The following TTLL5 variants were observed in gnomAD, a reference collection of about 807,000 sequenced individuals.
The protein encoded by TTLL5 is tubulin tyrosine ligase like 5, also known as tubulin polyglutamylase TTLL5.
A neutral mutation model predicts 168.4 loss-of-function variants in TTLL5; 132 were observed. The observed-to-expected ratio is 0.78, with a 90% CI of 0.68 to 0.91. The LOEUF is 0.91. TTLL5 is among the 40% of genes least tolerant of loss of function. The pLI is 0.00. For synonymous variants in TTLL5, 546 were observed against 558.6 expected (o/e 0.98, Z 0.32); for missense variants, 1,545 against 1,581.5 (o/e 0.98, Z 0.39).
intron 30 of TTLL5, among the ~76,000 whole-genome samples, chr14:75,901,513 C>G (rs914791469): frequency 6.6e-6 from 1 of 152,146 alleles, no homozygotes; most frequent in Non-Finnish European, 1.5e-5. Context: ...CTCAGTCTTG[C>G]GATTATTGAC....
chr14:75,790,987 T>TC (rs1433942056), intron 26 of TTLL5, among the ~76,000 whole-genome samples: 5 of 148,462 alleles, frequency 3.4e-5, no homozygotes, highest in Admixed American at 1.3e-4. Flanking sequence ...GTGCCTGTAG[T>TC]CCCAGCTACT....
At position 75,664,482 on chromosome 14, in the gene TTLL5, A is replaced by G. The variant is rs145778365; in HGVS notation, c.74+1259A>G. ...GGGTCTGGTTAGACTCAAATAGCAT[A>G]ATGTATGTGAAATTACTTTGTAAGT... On this transcript the variant is annotated intron_variant, in intron 2 of 31. Transcript: ENST00000298832. Among the ~76,000 whole-genome samples, 621 of 152,352 alleles carry G rather than the reference A, an allele frequency of 4.1e-3. 5 individuals are homozygous for G. The highest frequency in any genetic ancestry group is 3.8e-3 in the Non-Finnish European group (256 of 68,030).
intron 30 of TTLL5, among the ~76,000 whole-genome samples, chr14:75,896,395 T>C (rs2032664388): frequency 6.6e-6 from 1 of 152,054 alleles, no homozygotes; most frequent in Non-Finnish European, 1.5e-5. Flanking sequence ...GGTTTGGGGG[T>C]GTTTGTTTTC....
chr14:75,900,027 G>A (rs1370349418), intron 30 of TTLL5, among the ~76,000 whole-genome samples: 1 of 150,852 alleles, frequency 6.6e-6, no homozygotes, highest in Non-Finnish European at 1.5e-5. Context: ...CCTAAAGCAA[G>A]CACAGTGGCT....
At chr14:75,832,633 A>C (rs185862488) in intron 28 of TTLL5, among the ~76,000 whole-genome samples, 7 of 152,204 alleles carry the variant, frequency 4.6e-5, no homozygotes, top group Non-Finnish European at 7.3e-5. Flanking sequence ...TGTAAACTGT[A>C]AAGTATTACA....
chr14:75,683,315 TA>T (rs771876758), intron 4 of TTLL5, among the ~76,000 whole-genome samples: 1 of 152,234 alleles, frequency 6.6e-6, no homozygotes, highest in Non-Finnish European at 1.5e-5. Context: ...TGGGTTTCTA[TA>T]GAAGGGTTAA....
At chr14:75,773,957 A>G (rs12892078) in intron 21 of TTLL5, among the ~76,000 whole-genome samples, 4,447 of 40,844 alleles carry the variant, frequency 0.11, 118 homozygotes, top group African/African-American at 0.13. Flanking sequence ...GAGAGAGAGA[A>G]AGAGAGAGAG....
At chr14:75,820,507 G>T in intron 28 of TTLL5, 1 of 175,196 alleles carries the variant, frequency 5.7e-6, no homozygotes, top group Non-Finnish European at 1.2e-5. Context: ...TTAATACCTT[G>T]TGTTGTTTAT....
rs1433629413 is a variant in TTLL5 at position 75,902,221 on chromosome 14, A to G, written c.3820A>G (p.Thr1274Ala). ...PAAFVPITSSTDPAHTKI is the reference protein window; with the variant it reads ...PAAFVPITSSADPAHTKI ...AGCCTTTGTGCCCATCACCAGCTCT[A>G]CAGGTTAGTGGGCACCAGCTCTTCT... Residue 1274 changes from threonine (T) to alanine (A), a missense_variant, in exon 31 of 32, where the codon ACA (threonine) becomes GCA (alanine). By Grantham distance (58) the Thr-to-Ala change is moderately conservative. Coordinates refer to ENST00000298832, the MANE Select transcript of TTLL5 (RefSeq NM_015072.5). 1.9e-6 allele frequency: 3 copies of G among 1,614,084 alleles called. No individual in the cohort carries two copies. The East Asian group carries it at 6.7e-5, about 36-fold the overall frequency.
intron 31 of TTLL5, among the ~76,000 whole-genome samples, chr14:75,924,642 T>C (rs2033948163): frequency 6.6e-6 from 1 of 151,982 alleles, no homozygotes; most frequent in African/African-American, 2.4e-5. Flanking sequence ...GAAGAATTTT[T>C]TTTGGTACAG....
At chr14:75,892,059 C>A (rs2032428428) in intron 30 of TTLL5, among the ~76,000 whole-genome samples, 1 of 152,134 alleles carries the variant, frequency 6.6e-6, no homozygotes, top group Non-Finnish European at 1.5e-5. Context: ...TGCTGGTGAG[C>A]CTGTGGAAAT....
rs543901514 is a variant in TTLL5, at chr14:75,878,094, G to A, written c.3523-4591G>A. ...CAGTATAATCACCAAACCACAAGTC[G>A]CAACCTAGAGGCCTTTTACTGTATT... is the stretch of plus-strand genomic sequence containing the variant. On this transcript the variant is annotated intron_variant, in intron 29 of 31. Coordinates refer to ENST00000298832, the MANE Select transcript of TTLL5 (RefSeq NM_015072.5). Among the ~76,000 whole-genome samples, 5 of 152,100 alleles carry A rather than the reference G, an allele frequency of 3.3e-5. No homozygotes were observed. In the South Asian group the frequency reaches 6.2e-4, roughly 19 times the overall value.
At chr14:75,768,641 ATC>A (rs926425966) in intron 20 of TTLL5, among the ~76,000 whole-genome samples, 1 of 152,130 alleles carries the variant, frequency 6.6e-6, no homozygotes, top group Non-Finnish European at 1.5e-5. Context: ...AGGAGGGAGT[ATC>A]TCTTCCTATC....
intron 7 of TTLL5, among the ~76,000 whole-genome samples, chr14:75,705,179 G>C (rs576990952): frequency 5.3e-5 from 8 of 152,332 alleles, no homozygotes; most frequent in South Asian, 2.1e-4. Context: ...GGATGATGAA[G>C]TTCATTAGGG....
chr14:75,874,964 C>G (rs2031362809), intron 29 of TTLL5, among the ~76,000 whole-genome samples: 1 of 82,074 alleles, frequency 1.2e-5, no homozygotes. Context: ...GACGGAGTCT[C>G]ACTCTGTCAC....
chr14:75,690,541 A>G (rs1026490993), intron 6 of TTLL5, among the ~76,000 whole-genome samples: 1 of 152,170 alleles, frequency 6.6e-6, no homozygotes, highest in African/African-American at 2.4e-5. Context: ...GCACACTGGC[A>G]TCATATAAGC....
intron 29 of TTLL5, among the ~76,000 whole-genome samples, chr14:75,870,994 C>T (rs1244065800): frequency 1.3e-5 from 2 of 152,050 alleles, no homozygotes; most frequent in Non-Finnish European, 2.9e-5. Context: ...CAGGGTTTCA[C>T]TGTGTTAGCC....
In TTLL5 at chr14:75,907,873, T is replaced by C. The variant is rs191966461; in HGVS notation, c.3823+5649T>C. ...GGAGACTGGCAGCCAGAAGAACAAA[T>C]GTGACACCAAGCTCCAAACTAAACT... is the stretch of plus-strand genomic sequence containing the variant. On this transcript the variant is annotated intron_variant, in intron 31 of 31. Transcript: ENST00000298832. 3.0e-4 allele frequency among the ~76,000 whole-genome samples: 45 copies of C among 152,296 alleles called. No homozygotes were observed. The East Asian group carries it at 8.3e-3, about 28-fold the overall frequency.
chr14:75,914,055 T>TATATATATATATATA (rs2033509167), intron 31 of TTLL5, among the ~76,000 whole-genome samples: 4 of 124,226 alleles, frequency 3.2e-5, no homozygotes, highest in African/African-American at 1.1e-4. Context: ...TATATATATA[T>TATATATATATATATA]TTTATCCCCT....
Sources: gnomAD v4.1 joint callset for allele counts (sites outside exome capture counted in the v4.1 genomes callset) on GRCh38, gnomAD v4.1.1 for gene constraint, MANE v1.5 for transcripts, NCBI Gene and HGNC (gene_info 2026-07-23, HGNC 2026-07-21) for gene names.